TYW1B: variants seen among roughly 807,000 people sequenced by gnomAD.
TYW1B encodes tRNA-yW synthesizing protein 1 homolog B.
In TYW1B, 73 loss-of-function variants were observed where a neutral mutation model predicts 86.9. The ratio of observed to expected loss-of-function variants is 0.84; its 90% confidence interval spans 0.70 to 1.02. The LOEUF (loss-of-function observed/expected upper bound fraction) is 1.02. Among genes scored for constraint, TYW1B ranks in the 50% least tolerant of loss-of-function variants. The pLI is 0.00. For missense variants in TYW1B, 637 were observed against 827.4 expected, an observed-to-expected ratio of 0.77 and a Z score of 2.82; for synonymous variants, 248 against 292.8, an observed-to-expected ratio of 0.85 and a Z score of 1.56.
chr7:72,657,423 C>T (rs1813230694), intron 11 of TYW1B, among the ~76,000 whole-genome samples: 1 of 151,966 alleles, frequency 6.6e-6, no homozygotes, highest in Non-Finnish European at 1.5e-5. Flanking sequence ...TATAAAAAAC[C>T]TATTTAATAA....
At chr7:72,628,166 C>A (rs1364264499) in intron 12 of TYW1B, among the ~76,000 whole-genome samples, 1 of 152,102 alleles carries the variant, frequency 6.6e-6, no homozygotes, top group African/African-American at 2.4e-5. Context: ...ACCTCTAGTC[C>A]CAGCTACTCA....
chr7:72,780,918 A>G (rs1474762956), intron 6 of TYW1B, among the ~76,000 whole-genome samples: 4 of 152,024 alleles, frequency 2.6e-5, no homozygotes, highest in Non-Finnish European at 5.9e-5. Flanking sequence ...ATGTAACAAT[A>G]TAACAACCAT....
intron 11 of TYW1B, among the ~76,000 whole-genome samples, chr7:72,649,218 G>C (rs1813004231): frequency 6.6e-6 from 1 of 152,166 alleles, no homozygotes; most frequent in African/African-American, 2.4e-5. Context: ...AAAATGTAAA[G>C]AGCTGAAGAC....
chr7:72,697,942 C>T (rs1178896971), intron 10 of TYW1B: 1 of 153,540 alleles, frequency 6.5e-6, no homozygotes, highest in African/African-American at 2.4e-5. Flanking sequence ...CCTTCCAAGG[C>T]TCAGAAGGTA....
At chr7:72,590,260 A>G (rs1325152604) in intron 13 of TYW1B, among the ~76,000 whole-genome samples, 2 of 152,230 alleles carry the variant, frequency 1.3e-5, no homozygotes, top group East Asian at 3.9e-4. Flanking sequence ...ACTCAGCCCC[A>G]TGGCAGGCAG....
At chr7:72,813,236 C>G (rs1391355882) in intron 3 of TYW1B, among the ~76,000 whole-genome samples, 35 of 145,438 alleles carry the variant, frequency 2.4e-4, no homozygotes, top group African/African-American at 9.0e-4. Context: ...AGGGCAATGG[C>G]GCAATCTCGG....
chr7:72,584,455 T>C (rs1554430149), intron 13 of TYW1B, among the ~76,000 whole-genome samples: 1 of 151,734 alleles, frequency 6.6e-6, no homozygotes, highest in African/African-American at 2.4e-5. Context: ...ACAGTGTATA[T>C]TCCAATTTTT....
At chr7:72,811,421 G>T (rs542467016) in intron 3 of TYW1B, among the ~76,000 whole-genome samples, 6 of 152,088 alleles carry the variant, frequency 3.9e-5, no homozygotes, top group African/African-American at 1.4e-4. Flanking sequence ...AACAGCTCAC[G>T]TTACTGCTTC....
intron 5 of TYW1B, among the ~76,000 whole-genome samples, chr7:72,806,814 C>A (rs1218643298): frequency 6.6e-6 from 1 of 151,792 alleles, no homozygotes; most frequent in Admixed American, 6.6e-5. Context: ...CCATGCCTTG[C>A]TAAATTTAAA....
At chr7:72,589,028 G>T (rs1370908941) in intron 13 of TYW1B, among the ~76,000 whole-genome samples, 3 of 152,132 alleles carry the variant, frequency 2.0e-5, no homozygotes, top group Admixed American at 2.0e-4. Flanking sequence ...GGCCAGGCTG[G>T]TCTTGAACCC....
In TYW1B at chr7:72,575,469, G is replaced by T; in HGVS notation, c.*29C>A. On this transcript the variant is annotated 3_prime_UTR_variant, in exon 14 of 14. Coordinates refer to ENST00000620995, the MANE Select transcript of TYW1B (RefSeq NM_001145440.3). ...ACCTTTTGAGGCCATCCAAGTTTTT[G>T]TCCTTCAGTACCTTGAAATCAGATA... 8 of 1,584,910 alleles carry T rather than the reference G, an allele frequency of 5.0e-6. No individual in the cohort carries two copies. The East Asian group carries it at 1.8e-4, about 36-fold the overall frequency.
intron 10 of TYW1B, among the ~76,000 whole-genome samples, chr7:72,700,462 C>G (rs1814438893): frequency 1.3e-5 from 2 of 152,182 alleles, no homozygotes; most frequent in Middle Eastern, 6.8e-3. Context: ...TGTAAGCCAC[C>G]ACGCCTGGAC....
chr7:72,764,770 T>G (rs1209525407), intron 7 of TYW1B, among the ~76,000 whole-genome samples: 1 of 152,206 alleles, frequency 6.6e-6, no homozygotes, highest in African/African-American at 2.4e-5. Context: ...TAAAATTTAA[T>G]GACTTCAAAT....
intron 7 of TYW1B, among the ~76,000 whole-genome samples, chr7:72,762,823 C>T (rs1554467438): frequency 6.6e-6 from 1 of 151,996 alleles, no homozygotes; most frequent in East Asian, 1.9e-4. Flanking sequence ...CCATGCCCGG[C>T]TAATTTTTGT....
intron 13 of TYW1B, among the ~76,000 whole-genome samples, chr7:72,601,455 G>A (rs1337264398): frequency 1.3e-5 from 2 of 152,018 alleles, no homozygotes. Context: ...TACTTTGGAA[G>A]ACAGTTTTTT....
At chr7:72,581,560 G>A (rs1267206029) in intron 13 of TYW1B, among the ~76,000 whole-genome samples, 3 of 151,988 alleles carry the variant, frequency 2.0e-5, no homozygotes, top group East Asian at 1.9e-4. Flanking sequence ...TCGGGTTCAC[G>A]TGATTCTCCT....
intron 9 of TYW1B, among the ~76,000 whole-genome samples, chr7:72,727,670 G>A (rs1218717019): frequency 1.3e-5 from 2 of 151,946 alleles, no homozygotes; most frequent in Admixed American, 6.6e-5. Context: ...TTAGCCAGGC[G>A]TGGTGGCCAG....
intron 11 of TYW1B, among the ~76,000 whole-genome samples, chr7:72,638,848 C>T (rs2844153): frequency 6.6e-6 from 1 of 152,082 alleles, no homozygotes; most frequent in African/African-American, 2.4e-5. Context: ...AGTATTCTTG[C>T]CAAAAACTGA....
At chr7:72,622,774 C>T (rs1426653619) in intron 12 of TYW1B, among the ~76,000 whole-genome samples, 32 of 151,514 alleles carry the variant, frequency 2.1e-4, no homozygotes, top group African/African-American at 7.3e-4. Context: ...CACACATGCA[C>T]GCACACAAAA....
Sources: gnomAD v4.1 joint callset for allele counts (sites outside exome capture counted in the v4.1 genomes callset) on GRCh38, gnomAD v4.1.1 for gene constraint, MANE v1.5 for transcripts, NCBI Gene and HGNC (gene_info 2026-07-23, HGNC 2026-07-21) for gene names.